The following MAGI2 variants were observed in gnomAD, a reference collection of about 807,000 sequenced individuals.
The protein encoded by MAGI2 is membrane associated guanylate kinase, WW and PDZ domain containing 2.
In MAGI2, 35 loss-of-function variants were observed where a neutral mutation model predicts 133.3. The observed-to-expected ratio is 0.26, with a 90% CI of 0.20 to 0.35. The LOEUF (loss-of-function observed/expected upper bound fraction) is 0.35, where lower values mean the gene tolerates loss of function less well. MAGI2 is among the 10% of genes least tolerant of loss of function. MAGI2 has a pLI of 1.00. For synonymous variants in MAGI2, 729 were observed against 710.6 expected (o/e 1.03, Z -0.41); for missense variants, 1,636 against 1,863.4 (o/e 0.88, Z 2.25).
At chr7:79,365,867 CA>C (rs71095399) in intron 1 of MAGI2, among the ~76,000 whole-genome samples, 2,794 of 48,540 alleles carry the variant, frequency 0.058, 49 homozygotes, top group East Asian at 0.31. Flanking sequence ...ACTCTTGTCT[CA>C]AAAAAAAAAA....
intron 21 of MAGI2, among the ~76,000 whole-genome samples, chr7:78,027,033 AG>A (rs1808992088): frequency 6.6e-6 from 1 of 152,220 alleles, no homozygotes; most frequent in Non-Finnish European, 1.5e-5. Context: ...ACAGAGGTTA[AG>A]GAACTTGTTC....
chr7:79,309,360 T>C (rs936147548), intron 1 of MAGI2, among the ~76,000 whole-genome samples: 1 of 151,050 alleles, frequency 6.6e-6, no homozygotes, highest in South Asian at 2.1e-4. Flanking sequence ...GGCTACACTT[T>C]CCTTAAATTT....
intron 1 of MAGI2, among the ~76,000 whole-genome samples, chr7:79,378,924 G>GTATA (rs745327540): frequency 0.021 from 993 of 47,544 alleles, 22 homozygotes; most frequent in East Asian, 0.033. Flanking sequence ...ATATGTGTGT[G>GTATA]TGTATATATA....
intron 10 of MAGI2, among the ~76,000 whole-genome samples, chr7:78,210,448 T>C (rs1787659621): frequency 6.6e-6 from 1 of 152,128 alleles, no homozygotes; most frequent in African/African-American, 2.4e-5. Context: ...GAGTGTATGA[T>C]GGTGTTGTTG....
intron 2 of MAGI2, among the ~76,000 whole-genome samples, chr7:78,986,322 T>C (rs1005048092): frequency 1.3e-5 from 2 of 152,222 alleles, no homozygotes; most frequent in Non-Finnish European, 2.9e-5. Context: ...TTTAAGAATC[T>C]ATTTTTCCTT....
intron 21 of MAGI2, among the ~76,000 whole-genome samples, chr7:78,054,283 G>A (rs1428865692): frequency 1.3e-5 from 2 of 151,998 alleles, no homozygotes; most frequent in Non-Finnish European, 1.5e-5. Flanking sequence ...GCATCACCAC[G>A]CCTGGCAAAT....
intron 2 of MAGI2, among the ~76,000 whole-genome samples, chr7:78,962,489 G>T (rs150546624): frequency 2.7e-5 from 4 of 149,462 alleles, no homozygotes; most frequent in Admixed American, 6.7e-5. Context: ...TTTAAATCAG[G>T]CCAATTCTGC....
chr7:79,436,224 CAAA>C (rs34732039), intron 1 of MAGI2, among the ~76,000 whole-genome samples: 1 of 92,492 alleles, frequency 1.1e-5, no homozygotes, highest in Non-Finnish European at 2.3e-5. Flanking sequence ...GACTTCACCT[CAAA>C]AAAAAAAAAA....
intron 2 of MAGI2, among the ~76,000 whole-genome samples, chr7:78,676,935 T>C (rs1484580827): frequency 1.3e-5 from 2 of 152,150 alleles, no homozygotes; most frequent in African/African-American, 2.4e-5. Context: ...TTATGCTCCA[T>C]GTAGTACTCA....
At chr7:78,159,942 G>A (rs936811952) in intron 16 of MAGI2, 83 bp downstream of exon 16, 2 of 1,478,584 alleles carry the variant, frequency 1.4e-6, no homozygotes, top group Non-Finnish European at 1.8e-6. Flanking sequence ...ACAGTCTTCT[G>A]ATATACTTGT....
At chr7:79,072,462 A>G (rs1312568528) in intron 1 of MAGI2, among the ~76,000 whole-genome samples, 1 of 152,202 alleles carries the variant, frequency 6.6e-6, no homozygotes, top group East Asian at 1.9e-4. Context: ...GGTTATAATT[A>G]TTTTGTAATA....
intron 4 of MAGI2, among the ~76,000 whole-genome samples, chr7:78,512,017 G>A (rs745854653): frequency 1.9e-4 from 29 of 152,002 alleles, no homozygotes; most frequent in Non-Finnish European, 3.1e-4. Context: ...CAGCTACTAG[G>A]GAGGCTGAGG....
chr7:78,232,520 G>A (rs1247338171), intron 10 of MAGI2, among the ~76,000 whole-genome samples: 1 of 152,196 alleles, frequency 6.6e-6, no homozygotes, highest in Non-Finnish European at 1.5e-5. Context: ...ATCATTTGGT[G>A]TGTGCGGGTA....
intron 1 of MAGI2, among the ~76,000 whole-genome samples, chr7:79,042,506 A>T (rs1241736976): frequency 6.6e-6 from 1 of 152,158 alleles, no homozygotes; most frequent in African/African-American, 2.4e-5. Flanking sequence ...ACTTTCAAGT[A>T]GGGCATTTAG....
intron 9 of MAGI2, among the ~76,000 whole-genome samples, chr7:78,341,660 T>C (rs1790388765): frequency 2.0e-5 from 3 of 152,010 alleles, no homozygotes. Flanking sequence ...ACACCATACA[T>C]CTACAAACAT....
At chr7:78,868,416 C>T (rs1436005718) in intron 2 of MAGI2, among the ~76,000 whole-genome samples, 1 of 152,198 alleles carries the variant, frequency 6.6e-6, no homozygotes, top group Non-Finnish European at 1.5e-5. Flanking sequence ...AGGTCTTCAA[C>T]TTAAGCAGTC....
intron 2 of MAGI2, among the ~76,000 whole-genome samples, chr7:78,674,406 G>A (rs1263420419): frequency 6.6e-6 from 1 of 151,894 alleles, no homozygotes. Flanking sequence ...TATGCATGAG[G>A]TACTAGCTAC....
At chr7:78,818,777 T>C (rs968527535) in intron 2 of MAGI2, among the ~76,000 whole-genome samples, 1 of 152,150 alleles carries the variant, frequency 6.6e-6, no homozygotes, top group Non-Finnish European at 1.5e-5. Flanking sequence ...CAATCAATCT[T>C]ATCCTTTTGT....
At chr7:78,683,677 C>G (rs1314064479) in intron 2 of MAGI2, among the ~76,000 whole-genome samples, 2 of 152,162 alleles carry the variant, frequency 1.3e-5, no homozygotes, top group East Asian at 3.9e-4. Flanking sequence ...TATCCCACAT[C>G]CCAGGCACTG....
Sources: gnomAD v4.1 joint callset for allele counts (sites outside exome capture counted in the v4.1 genomes callset) on GRCh38, gnomAD v4.1.1 for gene constraint, MANE v1.5 for transcripts, NCBI Gene and HGNC (gene_info 2026-07-23, HGNC 2026-07-21) for gene names.